Variants in DGKI observed in about 807,000 individuals in gnomAD.
DGKI encodes the protein diacylglycerol kinase iota.
In DGKI, 55 loss-of-function variants were observed where a neutral mutation model predicts 147.5. That is an observed-to-expected ratio of 0.37 (90% CI 0.30 to 0.47). The LOEUF (loss-of-function observed/expected upper bound fraction) is 0.47, where lower values mean the gene tolerates loss of function less well. Ranked by LOEUF, DGKI falls within the 20% of genes least tolerant of loss-of-function variation. The pLI is 1.00. For missense variants in DGKI, 1,007 were observed against 1,323.8 expected (o/e 0.76, Z 3.71); for synonymous variants, 469 against 477.1 (o/e 0.98, Z 0.22).
At chr7:137,755,684 C>T (rs912311881) in intron 1 of DGKI, among the ~76,000 whole-genome samples, 1 of 152,160 alleles carries the variant, frequency 6.6e-6, no homozygotes, top group Admixed American at 6.5e-5. Flanking sequence ...GAACATTGTG[C>T]AGGTCATGGG....
chr7:137,398,844 G>A (rs1038133636), intron 30 of DGKI, among the ~76,000 whole-genome samples: 2 of 151,818 alleles, frequency 1.3e-5, no homozygotes, highest in Admixed American at 1.3e-4. Context: ...TTATTAGCAT[G>A]CAGAAGTAGT....
At chr7:137,663,489 C>T (rs1356371969) in intron 3 of DGKI, among the ~76,000 whole-genome samples, 1 of 152,204 alleles carries the variant, frequency 6.6e-6, no homozygotes, top group African/African-American at 2.4e-5. Flanking sequence ...GTAGTAGGCA[C>T]CGACGCCTCT....
chr7:137,730,536 T>C (rs1794846516), intron 1 of DGKI, among the ~76,000 whole-genome samples: 1 of 152,126 alleles, frequency 6.6e-6, no homozygotes, highest in African/African-American at 2.4e-5. Flanking sequence ...TCCCAAAATA[T>C]GAATGCCATT....
intron 29 of DGKI, among the ~76,000 whole-genome samples, chr7:137,410,377 C>G (rs1246458297): frequency 1.3e-5 from 2 of 152,128 alleles, no homozygotes; most frequent in African/African-American, 4.8e-5. Flanking sequence ...TGCACTCCAG[C>G]CTGGGTGACA....
chr7:137,802,287 T>G (rs2116966118), intron 1 of DGKI, among the ~76,000 whole-genome samples: 1 of 152,290 alleles, frequency 6.6e-6, no homozygotes, highest in Non-Finnish European at 1.5e-5. Flanking sequence ...GTGTACAGTG[T>G]ACACTGCTTG....
chr7:137,583,957 C>T (rs987689257), intron 14 of DGKI, among the ~76,000 whole-genome samples: 1 of 152,030 alleles, frequency 6.6e-6, no homozygotes, highest in East Asian at 1.9e-4. Flanking sequence ...ACCATAAAGA[C>T]AGAGTAAAAC....
intron 28 of DGKI, among the ~76,000 whole-genome samples, chr7:137,426,000 C>A (rs1039816825): frequency 2.6e-5 from 4 of 152,232 alleles, no homozygotes; most frequent in Non-Finnish European, 5.9e-5. Context: ...GGAGAACTTC[C>A]CCAATCTAAA....
chr7:137,440,089 C>G (rs1378864695), intron 28 of DGKI, among the ~76,000 whole-genome samples: 1 of 152,122 alleles, frequency 6.6e-6, no homozygotes, highest in Non-Finnish European at 1.5e-5. Context: ...TTCTCAGAGC[C>G]AGGGAAGCAG....
intron 8 of DGKI, among the ~76,000 whole-genome samples, chr7:137,619,433 C>G (rs535681620): frequency 6.6e-6 from 1 of 152,284 alleles, no homozygotes; most frequent in Non-Finnish European, 1.5e-5. Flanking sequence ...AACCATGAAG[C>G]CTGAACAGTT....
chr7:137,789,748 C>T (rs1796792084), intron 1 of DGKI, among the ~76,000 whole-genome samples: 1 of 152,152 alleles, frequency 6.6e-6, no homozygotes, highest in South Asian at 2.1e-4. Context: ...TTTTGATACA[C>T]AAGCAACATT....
In DGKI at chr7:137,846,253, C is replaced by A. The variant is rs1421798675; in HGVS notation, c.401+209G>T. Reference sequence around the variant, plus strand: ...TTAGGGACCCAGTGCTTCTCTCCTGCCACAGGGGAAAGCAGGCGTTGCTGC... The same window carrying A: ...TTAGGGACCCAGTGCTTCTCTCCTGACACAGGGGAAAGCAGGCGTTGCTGC... On this transcript the variant is annotated intron_variant, in intron 1 of 32. Coordinates refer to ENST00000614521, the MANE Select transcript of DGKI (RefSeq NM_001321708.2). The surrounding 1 kb of genome is among the most constrained non-coding windows in gnomAD (Gnocchi z 4.0). 6.6e-5 allele frequency among the ~76,000 whole-genome samples: 10 copies of A among 150,960 alleles called. No homozygotes were observed. The highest frequency in any genetic ancestry group is 2.4e-4 in the African/African-American group (10 of 40,970).
chr7:137,691,389 TC>T (rs943979565), intron 1 of DGKI, among the ~76,000 whole-genome samples: 107 of 152,208 alleles, frequency 7.0e-4, no homozygotes, highest in African/African-American at 2.5e-3. Flanking sequence ...ATACCCTGGA[TC>T]CCCAGAAAGG....
At chr7:137,649,497 G>C (rs951326833) in intron 5 of DGKI, among the ~76,000 whole-genome samples, 9 of 152,116 alleles carry the variant, frequency 5.9e-5, no homozygotes, top group Non-Finnish European at 1.2e-4. Context: ...ACTGGGCAAG[G>C]AAAGGGCTAT....
intron 28 of DGKI, among the ~76,000 whole-genome samples, chr7:137,428,259 A>G (rs1363416444): frequency 3.3e-5 from 5 of 152,068 alleles, no homozygotes; most frequent in Admixed American, 6.5e-5. Context: ...ATGCAAATCA[A>G]TAAGTGGAAT....
At chr7:137,640,006 GT>G (rs372124897) in intron 6 of DGKI, among the ~76,000 whole-genome samples, 3,490 of 143,412 alleles carry the variant, frequency 0.024, 105 homozygotes, top group African/African-American at 0.078. Context: ...TTATTATTAG[GT>G]TTTTTTTTTT....
intron 27 of DGKI, among the ~76,000 whole-genome samples, chr7:137,449,591 T>G (rs1011677903): frequency 6.6e-6 from 1 of 152,138 alleles, no homozygotes; most frequent in Non-Finnish European, 1.5e-5. Context: ...ATTTTGGACA[T>G]GACCTCAAAA....
intron 30 of DGKI, among the ~76,000 whole-genome samples, chr7:137,405,815 C>A (rs1811925269): frequency 6.6e-6 from 1 of 152,186 alleles, no homozygotes; most frequent in African/African-American, 2.4e-5. Context: ...TCCTGGCCTT[C>A]CACAGCCCTC....
At chr7:137,515,475 G>T (rs966290167) in intron 21 of DGKI, among the ~76,000 whole-genome samples, 2 of 152,134 alleles carry the variant, frequency 1.3e-5, no homozygotes, top group African/African-American at 4.8e-5. Context: ...ACAGAAACTT[G>T]TCCAACAAAC....
intron 3 of DGKI, among the ~76,000 whole-genome samples, chr7:137,668,039 A>C (rs918737017): frequency 6.6e-6 from 1 of 152,236 alleles, no homozygotes; most frequent in Non-Finnish European, 1.5e-5. Context: ...TGCCCAAGAA[A>C]GACTAGCTAA....
Sources: allele counts gnomAD v4.1 joint callset (sites outside exome capture counted in the v4.1 genomes callset), GRCh38; gene constraint gnomAD v4.1.1; non-coding constraint Gnocchi (gnomAD v3.1); transcripts MANE v1.5; gene names NCBI Gene and HGNC (gene_info 2026-07-23, HGNC 2026-07-21).